The following CADPS variants were observed in gnomAD, a reference collection of about 807,000 sequenced individuals.
The protein encoded by CADPS is calcium dependent secretion activator.
In CADPS, 57 loss-of-function variants were observed where a neutral mutation model predicts 167.3. That is an observed-to-expected ratio of 0.34 (90% CI 0.28 to 0.42). The LOEUF is 0.42. Ranked by LOEUF, CADPS falls within the 20% of genes least tolerant of loss-of-function variation. The probability of loss-of-function intolerance (pLI) is 1.00; values close to 1 mark genes in which losing one functional copy is unlikely to be tolerated. For synonymous variants in CADPS, 676 were observed against 635.3 expected (o/e 1.06, Z -0.96); for missense variants, 1,414 against 1,738.1 (o/e 0.81, Z 3.32).
At position 62,765,995 on chromosome 3, in the gene CADPS, C is replaced by T; in HGVS notation, c.442-11G>A. 1 of 1,587,600 alleles carries T rather than the reference C, an allele frequency of 6.3e-7. No individual in the cohort carries two copies. The highest frequency in any genetic ancestry group is 8.6e-7 in the Non-Finnish European group (1 of 1,156,998). On this transcript the variant is annotated splice_polypyrimidine_tract_variant and intron_variant, in intron 1 of 29. Transcript: ENST00000383710. ...CTGCTGTTTGCTGATCTGTAAGAAACAGAAAAAGAGGGAAATGTGAGAACT... is the reference window on the plus strand; with the variant it reads ...CTGCTGTTTGCTGATCTGTAAGAAATAGAAAAAGAGGGAAATGTGAGAACT...
At chr3:62,532,694 AAGG>A (rs1197022071) in intron 13 of CADPS, among the ~76,000 whole-genome samples, 174 bp downstream of exon 13, 2 of 148,564 alleles carry the variant, frequency 1.3e-5, no homozygotes, top group African/African-American at 5.0e-5. Flanking sequence ...AGTTTCTTGA[AAGG>A]AGAAGAAAGT....
intron 2 of CADPS, among the ~76,000 whole-genome samples, chr3:62,765,452 C>T (rs912122422): frequency 2.0e-5 from 3 of 152,248 alleles, no homozygotes; most frequent in Admixed American, 2.0e-4. Flanking sequence ...GAGGTGCTAA[C>T]ATCCTTTTAA....
intron 13 of CADPS, among the ~76,000 whole-genome samples, chr3:62,531,354 T>C (rs1322806411): frequency 6.6e-6 from 1 of 152,174 alleles, no homozygotes; most frequent in East Asian, 1.9e-4. Flanking sequence ...TTCATGAGTA[T>C]CTTTTATGCA....
chr3:62,644,211 G>A (rs543823959), intron 6 of CADPS, among the ~76,000 whole-genome samples: 1 of 152,272 alleles, frequency 6.6e-6, no homozygotes, highest in African/African-American at 2.4e-5. Context: ...ATAATGCTCT[G>A]GGGGAGGAGA....
In CADPS at chr3:62,700,448, G is replaced by A. The variant is rs1292938858; in HGVS notation, c.889-38054C>T. Among the ~76,000 whole-genome samples, 7 of 152,056 alleles carry A rather than the reference G, an allele frequency of 4.6e-5. No homozygotes were observed. In the East Asian group the frequency reaches 9.6e-4, roughly 21 times the overall value. On this transcript the variant is annotated intron_variant, in intron 3 of 29. Coordinates refer to ENST00000383710, the MANE Select transcript of CADPS (RefSeq NM_003716.4). Reference sequence around the variant, plus strand: ...ACATTTAGCATTGTGTTTGGTAATAGTAAGTGTTCCTTAAGTAAAATCTTA... The same window carrying A: ...ACATTTAGCATTGTGTTTGGTAATAATAAGTGTTCCTTAAGTAAAATCTTA...
At chr3:62,780,108 G>A (rs2152638449) in intron 1 of CADPS, among the ~76,000 whole-genome samples, 1 of 152,186 alleles carries the variant, frequency 6.6e-6, no homozygotes, top group South Asian at 2.1e-4. Flanking sequence ...CCTGGGCTCA[G>A]GCAATGTTTC....
At chr3:62,741,276 A>G (rs561722651) in intron 3 of CADPS, among the ~76,000 whole-genome samples, 1 of 152,324 alleles carries the variant, frequency 6.6e-6, no homozygotes, top group East Asian at 1.9e-4. Flanking sequence ...TGATTTTATA[A>G]GGCCAGCATC....
intron 1 of CADPS, among the ~76,000 whole-genome samples, chr3:62,843,093 G>A (rs945945311): frequency 2.0e-5 from 3 of 151,982 alleles, no homozygotes; most frequent in Admixed American, 6.6e-5. Flanking sequence ...TGTTTCACTG[G>A]ATAATTAACT....
intron 17 of CADPS, among the ~76,000 whole-genome samples, chr3:62,503,940 G>A (rs1452814923): frequency 6.6e-6 from 1 of 152,136 alleles, no homozygotes; most frequent in Non-Finnish European, 1.5e-5. Flanking sequence ...TCTGTATGGT[G>A]AGAGGGACAT....
intron 4 of CADPS, among the ~76,000 whole-genome samples, chr3:62,653,151 A>G (rs896465201): frequency 1.3e-5 from 2 of 152,148 alleles, no homozygotes; most frequent in African/African-American, 4.8e-5. Context: ...GGTAGCATTT[A>G]TTGAAATGGA....
At chr3:62,658,056 C>T (rs2072160447) in intron 4 of CADPS, among the ~76,000 whole-genome samples, 1 of 152,130 alleles carries the variant, frequency 6.6e-6, no homozygotes, top group Non-Finnish European at 1.5e-5. Flanking sequence ...GGAGGGGGAA[C>T]CAGCAGGGAG....
chr3:62,816,784 A>C (rs1308198657), intron 1 of CADPS, among the ~76,000 whole-genome samples: 1 of 152,112 alleles, frequency 6.6e-6, no homozygotes, highest in Non-Finnish European at 1.5e-5. Flanking sequence ...GCTGACATGT[A>C]GTCATCACTC....
intron 24 of CADPS, among the ~76,000 whole-genome samples, chr3:62,471,880 A>G (rs1328277952): frequency 6.6e-6 from 1 of 152,236 alleles, no homozygotes; most frequent in African/African-American, 2.4e-5. Flanking sequence ...CAAATCGTAT[A>G]TATGATAATG....
chr3:62,419,858 ACT>A (rs1419797596), intron 28 of CADPS, among the ~76,000 whole-genome samples: 4 of 152,104 alleles, frequency 2.6e-5, no homozygotes, highest in African/African-American at 9.7e-5. Flanking sequence ...TGGAGTGCCA[ACT>A]CTGCCGTCTT....
chr3:62,528,121 C>A (rs1052902898), intron 13 of CADPS, among the ~76,000 whole-genome samples: 1 of 152,192 alleles, frequency 6.6e-6, no homozygotes, highest in African/African-American at 2.4e-5. Flanking sequence ...GCTGTAGCAT[C>A]TCACCTGGAA....
rs1489968554 is a variant in CADPS, at chr3:62,536,425, AG to A, written c.2103+19del. 2 of 1,605,994 alleles carry A rather than the reference AG, an allele frequency of 1.2e-6. No individual in the cohort carries two copies. The highest frequency in any genetic ancestry group is 1.7e-6 in the Non-Finnish European group (2 of 1,174,324). On this transcript the variant is annotated intron_variant, in intron 12 of 29. Transcript: ENST00000383710. ...AAAAATGTTATGTTTAAATTGCTGTAGACCAAAGAATATACTTGCCAGGCAA... is the reference window on the plus strand; with the variant it reads ...AAAAATGTTATGTTTAAATTGCTGTAACCAAAGAATATACTTGCCAGGCAA...
chr3:62,638,107 A>ATATATATATATATATATATATATATG (rs1579348080), intron 6 of CADPS, among the ~76,000 whole-genome samples: 1 of 150,334 alleles, frequency 6.7e-6, no homozygotes, highest in African/African-American at 2.5e-5. Context: ...ATATATATAT[A>ATATATATATATATATATATATATATG]GCAATTAATT....
chr3:62,607,818 G>A lies in CADPS; in HGVS notation c.1326-15070C>T, dbSNP rs2060897987. ...TCTTTCCCCAGGGACTGGCTTGTGG[G>A]TTTGGTCTTTATTTTCTCTTTTCAA... is the stretch of plus-strand genomic sequence containing the variant. On this transcript the variant is annotated intron_variant, in intron 6 of 29. Transcript: ENST00000383710. 2.0e-5 allele frequency among the ~76,000 whole-genome samples: 3 copies of A among 152,306 alleles called. No individual in the cohort carries two copies. In the South Asian group the frequency reaches 6.2e-4, roughly 32 times the overall value.
intron 1 of CADPS, among the ~76,000 whole-genome samples, chr3:62,788,121 A>G (rs2092626411): frequency 6.6e-6 from 1 of 152,208 alleles, no homozygotes; most frequent in African/African-American, 2.4e-5. Flanking sequence ...CGCTTGAATG[A>G]TGTGATATGA....
Sources: gnomAD v4.1 joint callset for allele counts (sites outside exome capture counted in the v4.1 genomes callset) on GRCh38, gnomAD v4.1.1 for gene constraint, MANE v1.5 for transcripts, NCBI Gene and HGNC (gene_info 2026-07-23, HGNC 2026-07-21) for gene names.